PICALM: variants seen among roughly 807,000 people sequenced by gnomAD.
PICALM encodes phosphatidylinositol binding clathrin assembly protein, also known as phosphatidylinositol-binding clathrin assembly protein.
In PICALM, 40 loss-of-function variants were observed where a neutral mutation model predicts 80.5. That is an observed-to-expected ratio of 0.50 (90% confidence interval 0.39 to 0.65). The LOEUF (loss-of-function observed/expected upper bound fraction) is 0.65. Among genes scored for constraint, PICALM ranks in the 30% least tolerant of loss-of-function variants. The pLI, the probability that PICALM is intolerant of heterozygous loss-of-function variation, is 0.00. For synonymous variants in PICALM, 288 were observed against 260.3 expected, an observed-to-expected ratio of 1.11 and a Z score of -1.02; for missense variants, 676 against 778.9, an observed-to-expected ratio of 0.87 and a Z score of 1.57.
At position 86,039,213 on chromosome 11, in the gene PICALM, T is replaced by A. The variant is rs138100771; in HGVS notation, c.131-7602A>T. ...TCTTAGCAACATGAATGGACTAAGA[T>A]TCCCACACTTAAAAATTAGAAAATG... On this transcript the variant is annotated intron_variant, in intron 1 of 19. Transcript: ENST00000393346. Among the ~76,000 whole-genome samples, 25 of 151,948 alleles carry A rather than the reference T, an allele frequency of 1.6e-4. No individual in the cohort carries two copies. The East Asian group carries it at 4.8e-3, about 29-fold the overall frequency.
chr11:85,972,736 T>C (rs1395875098), intron 19 of PICALM, among the ~76,000 whole-genome samples: 1 of 152,190 alleles, frequency 6.6e-6, no homozygotes, highest in African/African-American at 2.4e-5. Context: ...TTCTATCACT[T>C]AGTCTCTTGT....
At chr11:86,061,276 A>T (rs1355045416) in intron 1 of PICALM, among the ~76,000 whole-genome samples, 1 of 144,050 alleles carries the variant, frequency 6.9e-6, no homozygotes, top group African/African-American at 2.6e-5. Flanking sequence ...GCTTACAGTG[A>T]GATGAGATGG....
chr11:85,963,258 A>G (rs981059310), intron 19 of PICALM, among the ~76,000 whole-genome samples: 81 of 152,350 alleles, frequency 5.3e-4, no homozygotes, highest in African/African-American at 1.9e-3. Flanking sequence ...CAAATTTTAC[A>G]AGAGAGCATA....
chr11:85,978,160 C>G (rs939669480), intron 17 of PICALM: 1 of 1,307,812 alleles, frequency 7.6e-7, no homozygotes, highest in Non-Finnish European at 1.1e-6. Context: ...ACTTACACAA[C>G]AGAAAATACA....
chr11:85,993,799 A>C (rs559771894), intron 12 of PICALM, among the ~76,000 whole-genome samples: 243 of 152,296 alleles, frequency 1.6e-3, no homozygotes, highest in African/African-American at 5.5e-3. Flanking sequence ...AAAAGTTAAA[A>C]CAAGGATTAA....
In PICALM at chr11:85,957,419, C is replaced by T. The variant is rs1261004193; in HGVS notation, c.*1627G>A. 6.6e-6 allele frequency among the ~76,000 whole-genome samples: 1 copy of T among 152,158 alleles called. No individual in the cohort carries two copies. Among genetic ancestry groups the T allele is most frequent in the Non-Finnish European group, 1.5e-5 (1 of 68,022 alleles). ...ATTAAACTGCGTATTTTCCCTTAAA[C>T]TTACCTGACTAAAGGCATCTGATCA... is the stretch of plus-strand genomic sequence containing the variant. On this transcript the variant is annotated 3_prime_UTR_variant, in exon 20 of 20. Coordinates refer to ENST00000393346, the MANE Select transcript of PICALM (RefSeq NM_007166.4).
intron 19 of PICALM, among the ~76,000 whole-genome samples, chr11:85,964,867 T>C (rs75798904): frequency 0.013 from 1,942 of 152,312 alleles, 46 homozygotes; most frequent in African/African-American, 0.044. Flanking sequence ...CTTTTGGTGA[T>C]AAAACAAGCT....
intron 1 of PICALM, among the ~76,000 whole-genome samples, chr11:86,064,740 T>C (rs1343413593): frequency 2.7e-5 from 4 of 149,730 alleles, no homozygotes; most frequent in Non-Finnish European, 5.9e-5. Flanking sequence ...TGTCCAACGA[T>C]AGTAAATAAG....
chr11:85,990,486 A>C (rs1262784093), intron 12 of PICALM, 87 bp from the exon 13 acceptor site: 3 of 692,998 alleles, frequency 4.3e-6, no homozygotes, highest in Non-Finnish European at 6.7e-6. Flanking sequence ...CAAAGTGAAA[A>C]GTAGTAACTA....
chr11:86,045,884 C>G (rs1054954566), intron 1 of PICALM, among the ~76,000 whole-genome samples: 8 of 152,090 alleles, frequency 5.3e-5, no homozygotes, highest in African/African-American at 1.7e-4. Context: ...TGCTATGATG[C>G]CAAACGATCT....
chr11:86,067,530 G>C (rs917096582), intron 1 of PICALM, among the ~76,000 whole-genome samples: 1 of 152,152 alleles, frequency 6.6e-6, no homozygotes, highest in Admixed American at 6.5e-5. Flanking sequence ...TCTACTAATT[G>C]TATCTACGTT....
At chr11:86,037,109 C>T (rs2095855285) in intron 1 of PICALM, among the ~76,000 whole-genome samples, 1 of 151,258 alleles carries the variant, frequency 6.6e-6, no homozygotes, top group Admixed American at 6.6e-5. Flanking sequence ...CCACGCCCAG[C>T]TAATTTTTGT....
At chr11:86,007,687 C>T (rs1054908665) in intron 7 of PICALM, 104 bp from the exon 8 acceptor site, 2 of 374,664 alleles carry the variant, frequency 5.3e-6, no homozygotes, top group African/African-American at 2.2e-5. Context: ...TTTAAACAGA[C>T]TTCTTAAGAA....
intron 1 of PICALM, among the ~76,000 whole-genome samples, chr11:86,049,691 C>G (rs545202945): frequency 9.9e-5 from 15 of 151,644 alleles, no homozygotes; most frequent in Non-Finnish European, 2.1e-4. Context: ...CCTTGGCCTC[C>G]CAAAGTGCAG....
intron 14 of PICALM, among the ~76,000 whole-genome samples, chr11:85,983,279 AACAAGGTATTAATGAAAAC>A (rs1374565849): frequency 6.6e-6 from 1 of 152,226 alleles, no homozygotes; most frequent in African/African-American, 2.4e-5. Context: ...ACTTCAAATT[AACAAGGTATTAATGAAAAC>A]ACAAAGTGGA....
chr11:86,069,532 C>CCTGA (rs2096489170), upstream of PICALM: 1 of 152,316 alleles, frequency 6.6e-6, no homozygotes. Flanking sequence ...CACAGCTTCC[C>CCTGA]CTGAAGTGGG....
chr11:85,985,438 C>T (rs116513521), intron 13 of PICALM, among the ~76,000 whole-genome samples: 656 of 152,200 alleles, frequency 4.3e-3, no homozygotes, highest in Non-Finnish European at 5.3e-3. Context: ...GAGAATGTAC[C>T]AGTTTGATCT....
intron 4 of PICALM, among the ~76,000 whole-genome samples, chr11:86,017,798 A>G (rs866489429): frequency 1.3e-5 from 2 of 152,212 alleles, no homozygotes; most frequent in Non-Finnish European, 2.9e-5. Flanking sequence ...ATACGTAATA[A>G]AATATCCTTG....
chr11:85,973,108 C>A (rs986424594), intron 19 of PICALM, among the ~76,000 whole-genome samples: 3 of 152,052 alleles, frequency 2.0e-5, no homozygotes, highest in Non-Finnish European at 2.9e-5. Flanking sequence ...GATTAAAGAA[C>A]AAGGAGGAAG....
Sources: gnomAD v4.1 joint callset for allele counts (sites outside exome capture counted in the v4.1 genomes callset) on GRCh38, gnomAD v4.1.1 for gene constraint, MANE v1.5 for transcripts, NCBI Gene and HGNC (gene_info 2026-07-23, HGNC 2026-07-21) for gene names.